The following PLEKHS1 variants were observed in gnomAD, a reference collection of about 807,000 sequenced individuals.
The protein encoded by PLEKHS1 is pleckstrin homology domain-containing family S member 1.
A neutral mutation model predicts 51.0 loss-of-function variants in PLEKHS1; 55 were observed. The ratio of observed to expected loss-of-function variants is 1.08; its 90% CI spans 0.87 to 1.35. PLEKHS1 has a LOEUF of 1.35. PLEKHS1 is among the 40% of genes most tolerant of loss of function. The pLI is 0.00. For missense variants in PLEKHS1, 398 were observed against 423.0 expected, an observed-to-expected ratio of 0.94 and a Z score of 0.52; for synonymous variants, 153 against 144.8, an observed-to-expected ratio of 1.06 and a Z score of -0.41.
At chr10:113,753,829 G>T (rs1015978752) in intron 1 of PLEKHS1, among the ~76,000 whole-genome samples, 3 of 151,622 alleles carry the variant, frequency 2.0e-5, no homozygotes, top group Non-Finnish European at 4.4e-5. Context: ...TTTTTTATTT[G>T]AGATGGAGTC....
chr10:113,776,836 G>A (rs140171266), intron 11 of PLEKHS1, among the ~76,000 whole-genome samples: 231 of 152,262 alleles, frequency 1.5e-3, no homozygotes, highest in African/African-American at 5.3e-3. Context: ...AACAAATCAG[G>A]TACTCACACA....
At chr10:113,776,486 T>C (rs764076402) in intron 11 of PLEKHS1, among the ~76,000 whole-genome samples, 3 of 152,222 alleles carry the variant, frequency 2.0e-5, no homozygotes, top group East Asian at 1.9e-4. Flanking sequence ...AATTGTCTTA[T>C]AAGTTCTAAG....
intron 2 of PLEKHS1, among the ~76,000 whole-genome samples, chr10:113,757,595 G>A (rs946445407): frequency 2.6e-5 from 4 of 152,184 alleles, no homozygotes; most frequent in African/African-American, 2.4e-5. Context: ...CGATGTTGAC[G>A]GCTGCTGAGT....
chr10:113,760,687 G>T (rs758680478), intron 2 of PLEKHS1, among the ~76,000 whole-genome samples: 1 of 152,046 alleles, frequency 6.6e-6, no homozygotes, highest in Non-Finnish European at 1.5e-5. Context: ...CATTGTAAGA[G>T]TTCTTTATAT....
intron 11 of PLEKHS1, chr10:113,777,662 A>G: frequency 6.5e-7 from 1 of 1,528,360 alleles, no homozygotes; most frequent in Non-Finnish European, 8.9e-7. Context: ...TAACGTGCTT[A>G]CAAAGGTGAC....
At chr10:113,774,997 G>T (rs756031923) in exon 10 of PLEKHS1, 61 of 1,613,960 alleles carry the variant, frequency 3.8e-5, no homozygotes, top group Non-Finnish European at 4.9e-5. Context: ...AAAAGGGGTC[G>T]GCCTCACTAA....
At chr10:113,762,955 A>G (rs1055872758) in intron 2 of PLEKHS1, among the ~76,000 whole-genome samples, 1 of 152,104 alleles carries the variant, frequency 6.6e-6, no homozygotes, top group Non-Finnish European at 1.5e-5. Context: ...CTCTTAGCAA[A>G]CTTATTATTT....
intron 1 of PLEKHS1, among the ~76,000 whole-genome samples, chr10:113,752,021 C>T (rs1010535075): frequency 1.7e-4 from 26 of 152,038 alleles, no homozygotes; most frequent in African/African-American, 6.3e-4. Flanking sequence ...TGGGGAGATT[C>T]TCCTGAATGA....
rs745544795 is a variant in PLEKHS1, at chr10:113,766,720, T to C, written c.224+2T>C. Reference sequence around the variant, plus strand: ...CCGAGGTTCCATTGAAATTGATCAGTGTGTATCCAAGCAGGAAAACTTTTA... The same window carrying C: ...CCGAGGTTCCATTGAAATTGATCAGCGTGTATCCAAGCAGGAAAACTTTTA... On this transcript the variant is annotated splice_donor_variant, in intron 4 of 11. Transcript: ENST00000361048. LOFTEE classifies it high-confidence loss of function. 6.3e-7 allele frequency: 1 copy of C among 1,584,852 alleles called. No homozygotes were observed. Among genetic ancestry groups the C allele is most frequent in the African/African-American group, 1.4e-5 (1 of 73,394 alleles).
rs376887583 is a variant in PLEKHS1, at chr10:113,777,172, C to T, written c.1091+1306C>T. 9.3e-6 allele frequency: 15 copies of T among 1,612,646 alleles called. No homozygotes were observed. In the South Asian group the frequency reaches 1.3e-4, roughly 14 times the overall value. On this transcript the variant is annotated intron_variant, in intron 11 of 11. Coordinates refer to ENST00000361048, the Ensembl canonical transcript of PLEKHS1. ...CACGTTTGGGATGCATATTTTGCCA[C>T]GGAGATCATCTTCTGGCAGTGAATG...
chr10:113,781,895 T>C (rs1173881182), exon 12 of PLEKHS1: 1 of 152,420 alleles, frequency 6.6e-6, no homozygotes, highest in Admixed American at 6.5e-5. Context: ...TTGGATTCAA[T>C]AAGTATCTTG....
intron 2 of PLEKHS1, among the ~76,000 whole-genome samples, chr10:113,765,675 AAATAT>A (rs1267409333): frequency 6.6e-6 from 1 of 152,254 alleles, no homozygotes; most frequent in Non-Finnish European, 1.5e-5. Context: ...TGTCTACAAT[AAATAT>A]GTATCATATT....
At chr10:113,768,065 T>G (rs1483648157) in intron 5 of PLEKHS1, among the ~76,000 whole-genome samples, 1 of 152,190 alleles carries the variant, frequency 6.6e-6, no homozygotes, top group Non-Finnish European at 1.5e-5. Flanking sequence ...CATTGTATTT[T>G]TGCGGGGAGG....
chr10:113,763,274 G>A (rs774762819), intron 2 of PLEKHS1, among the ~76,000 whole-genome samples: 3 of 152,082 alleles, frequency 2.0e-5, no homozygotes, highest in African/African-American at 4.8e-5. Context: ...TTTGACTAGC[G>A]TTGGCATAGC....
intron 2 of PLEKHS1, among the ~76,000 whole-genome samples, chr10:113,760,341 T>G (rs1167861192): frequency 6.6e-6 from 1 of 152,216 alleles, no homozygotes; most frequent in Non-Finnish European, 1.5e-5. Flanking sequence ...AGCTTTTGTA[T>G]TTGTATATTC....
At chr10:113,776,402 C>T (rs189082798) in intron 11 of PLEKHS1, among the ~76,000 whole-genome samples, 2 of 152,124 alleles carry the variant, frequency 1.3e-5, no homozygotes, top group East Asian at 3.9e-4. Context: ...TTTTAAAACA[C>T]TTTGTAATTT....
intron 11 of PLEKHS1, chr10:113,777,923 A>G: frequency 1.9e-6 from 1 of 526,196 alleles, no homozygotes; most frequent in Non-Finnish European, 3.1e-6. Flanking sequence ...CCAGGAATTC[A>G]AGGTTACAGT....
chr10:113,772,089 G>A (rs764333609), exon 8 of PLEKHS1: 5 of 1,611,312 alleles, frequency 3.1e-6, no homozygotes, highest in Non-Finnish European at 3.4e-6. Flanking sequence ...TTCTTTTAGA[G>A]GTAACCCCTT....
intron 5 of PLEKHS1, among the ~76,000 whole-genome samples, chr10:113,767,704 G>A (rs185109590): frequency 1.8e-3 from 279 of 152,246 alleles, no homozygotes; most frequent in African/African-American, 6.4e-3. Flanking sequence ...TTGAACAACA[G>A]AAATTTATTG....
Sources: gnomAD v4.1 joint callset for allele counts (sites outside exome capture counted in the v4.1 genomes callset) on GRCh38, gnomAD v4.1.1 for gene constraint, MANE v1.5 for transcripts, NCBI Gene and HGNC (gene_info 2026-07-23, HGNC 2026-07-21) for gene names.